CWC27: variants seen among roughly 807,000 people sequenced by gnomAD.
CWC27 encodes spliceosome-associated protein CWC27 homolog.
Under a neutral mutation model 63.6 loss-of-function variants are expected in CWC27, and 47 were observed. The observed-to-expected ratio is 0.74, with a 90% confidence interval of 0.58 to 0.94. The LOEUF (loss-of-function observed/expected upper bound fraction) is 0.94. CWC27 is among the 40% of genes least tolerant of loss of function. CWC27 has a pLI of 0.00. For missense variants in CWC27, 495 were observed against 554.3 expected, an observed-to-expected ratio of 0.89 and a Z score of 1.07; for synonymous variants, 175 against 179.8, an observed-to-expected ratio of 0.97 and a Z score of 0.22.
intron 10 of CWC27, among the ~76,000 whole-genome samples, chr5:64,815,212 C>T (rs922809808): frequency 6.6e-6 from 1 of 152,084 alleles, no homozygotes; most frequent in Non-Finnish European, 1.5e-5. Flanking sequence ...TTAGGTTATG[C>T]ACCCAAATCT....
At chr5:64,984,467 C>T (rs1248911619) in intron 13 of CWC27, among the ~76,000 whole-genome samples, 1 of 152,110 alleles carries the variant, frequency 6.6e-6, no homozygotes, top group Non-Finnish European at 1.5e-5. Flanking sequence ...GGGAGGATAA[C>T]AGGTACAAAT....
intron 11 of CWC27, among the ~76,000 whole-genome samples, chr5:64,911,363 A>G (rs1251706446): frequency 6.6e-6 from 1 of 152,240 alleles, no homozygotes; most frequent in Non-Finnish European, 1.5e-5. Context: ...TAACTAAGGC[A>G]TATGGTTTAA....
At chr5:64,802,701 A>G (rs1744529501) in intron 9 of CWC27, among the ~76,000 whole-genome samples, 1 of 152,168 alleles carries the variant, frequency 6.6e-6, no homozygotes, top group Admixed American at 6.5e-5. Context: ...GGTTTGAGCA[A>G]CTTGTTAGAT....
At chr5:65,002,613 T>C (rs935645704) in intron 13 of CWC27, among the ~76,000 whole-genome samples, 1 of 152,242 alleles carries the variant, frequency 6.6e-6, no homozygotes, top group African/African-American at 2.4e-5. Flanking sequence ...TCTTTTGTTA[T>C]TGATTTCTAG....
At chr5:64,923,461 T>C (rs1219671693) in intron 11 of CWC27, among the ~76,000 whole-genome samples, 1 of 150,804 alleles carries the variant, frequency 6.6e-6, no homozygotes, top group East Asian at 2.0e-4. Flanking sequence ...CAACCTCATG[T>C]GGGGTTTCCA....
intron 7 of CWC27, among the ~76,000 whole-genome samples, chr5:64,790,145 C>A (rs1419448908): frequency 2.0e-5 from 3 of 152,020 alleles, no homozygotes; most frequent in Non-Finnish European, 2.9e-5. Context: ...GTATTTGATG[C>A]CATGGATTCA....
At chr5:64,984,115 G>A (rs1231998770) in intron 13 of CWC27, among the ~76,000 whole-genome samples, 2 of 152,190 alleles carry the variant, frequency 1.3e-5, no homozygotes, top group Non-Finnish European at 2.9e-5. Context: ...TTACAGGCAT[G>A]AGCTACCACA....
At chr5:64,888,057 A>G (rs1254255529) in intron 11 of CWC27, among the ~76,000 whole-genome samples, 1 of 151,940 alleles carries the variant, frequency 6.6e-6, no homozygotes, top group Non-Finnish European at 1.5e-5. Context: ...CAGTACTCCG[A>G]TTAGAGTAAC....
At chr5:64,884,916 C>G (rs995713006) in intron 10 of CWC27, among the ~76,000 whole-genome samples, 2 of 152,064 alleles carry the variant, frequency 1.3e-5, no homozygotes, top group African/African-American at 4.8e-5. Flanking sequence ...AATGTATATG[C>G]CAAACTGTAG....
At chr5:64,892,267 C>T (rs1747256787) in intron 11 of CWC27, among the ~76,000 whole-genome samples, 1 of 152,010 alleles carries the variant, frequency 6.6e-6, no homozygotes, top group Admixed American at 6.6e-5. Context: ...ATTTGTCCTC[C>T]TATTACTAAT....
chr5:64,776,191 T>C (rs570565567), intron 2 of CWC27, among the ~76,000 whole-genome samples: 1 of 150,528 alleles, frequency 6.6e-6, no homozygotes, highest in Non-Finnish European at 1.5e-5. Context: ...TAGAGTCAGG[T>C]AGGTAGTTCA....
Position 64,885,847 on chromosome 5 carries a change from A to G in CWC27, c.1042+301A>G, listed in dbSNP as rs547739663. Among the ~76,000 whole-genome samples the G allele has an allele frequency of 9.9e-5, 15 of 152,172 alleles. No individual in the cohort carries two copies. In the East Asian group the frequency reaches 2.7e-3, roughly 27 times the overall value. Reference sequence around the variant, plus strand: ...GGGATTGTAACTATTGTTCTTAAGTAACCTTCATGAAAACTAACAGAATAC... The same window carrying G: ...GGGATTGTAACTATTGTTCTTAAGTGACCTTCATGAAAACTAACAGAATAC... On this transcript the variant is annotated intron_variant, in intron 11 of 13. Transcript: ENST00000381070.
At chr5:64,793,408 G>A (rs191429078) in intron 7 of CWC27, among the ~76,000 whole-genome samples, 34 of 152,224 alleles carry the variant, frequency 2.2e-4, no homozygotes, top group Non-Finnish European at 2.9e-5. Flanking sequence ...AAATTTACTG[G>A]CTTAGAGAAA....
intron 10 of CWC27, among the ~76,000 whole-genome samples, chr5:64,826,582 G>GT (rs1561424335): frequency 6.6e-6 from 1 of 151,908 alleles, no homozygotes; most frequent in African/African-American, 2.4e-5. Flanking sequence ...TGATCAATCA[G>GT]TTTTTTTGAC....
intron 11 of CWC27, among the ~76,000 whole-genome samples, chr5:64,917,027 G>T (rs192927870): frequency 2.6e-5 from 4 of 151,896 alleles, no homozygotes; most frequent in African/African-American, 9.7e-5. Flanking sequence ...GGATTAATAG[G>T]GATGTTGTCA....
chr5:64,799,791 G>A (rs1374012733), intron 7 of CWC27, among the ~76,000 whole-genome samples: 1 of 151,746 alleles, frequency 6.6e-6, no homozygotes, highest in Non-Finnish European at 1.5e-5. Context: ...GTTGTTGTTG[G>A]TAAGTAGTTC....
intron 3 of CWC27, among the ~76,000 whole-genome samples, chr5:64,782,873 A>AT (rs1397516933): frequency 6.6e-6 from 1 of 152,138 alleles, no homozygotes; most frequent in African/African-American, 2.4e-5. Context: ...CTTTTAGACT[A>AT]TTTTATATTT....
chr5:64,863,521 A>G (rs1184048640), intron 10 of CWC27, among the ~76,000 whole-genome samples: 2 of 151,198 alleles, frequency 1.3e-5, no homozygotes, highest in Admixed American at 6.6e-5. Flanking sequence ...TTACAACAGG[A>G]TATCACTCTG....
At chr5:64,897,662 G>A (rs1223616992) in intron 11 of CWC27, among the ~76,000 whole-genome samples, 2 of 152,102 alleles carry the variant, frequency 1.3e-5, no homozygotes, top group African/African-American at 4.8e-5. Flanking sequence ...GATGGGTGCA[G>A]CAAACCAACA....
Sources: allele counts gnomAD v4.1 joint callset (sites outside exome capture counted in the v4.1 genomes callset), GRCh38; gene constraint gnomAD v4.1.1; transcripts MANE v1.5; gene names NCBI Gene and HGNC (gene_info 2026-07-23, HGNC 2026-07-21).